The following HIVEP3 variants were observed in gnomAD, a reference collection of about 807,000 sequenced individuals.
HIVEP3 encodes the protein HIVEP zinc finger 3.
Under a neutral mutation model 152.8 loss-of-function variants are expected in HIVEP3, and 49 were observed. The observed-to-expected ratio is 0.32, with a 90% CI of 0.26 to 0.41. HIVEP3 has a LOEUF of 0.41. HIVEP3 is among the 10% of genes least tolerant of loss of function. HIVEP3 has a pLI of 1.00. For synonymous variants in HIVEP3, 1,269 were observed against 1,289.0 expected (o/e 0.98, Z 0.33); for missense variants, 2,790 against 3,103.3 (o/e 0.90, Z 2.40).
At chr1:41,518,061 G>A (rs184745731) in intron 7 of HIVEP3, among the ~76,000 whole-genome samples, 10 of 152,338 alleles carry the variant, frequency 6.6e-5, no homozygotes, top group East Asian at 1.9e-4. Context: ...CTCAATCAAC[G>A]TTGGCTGTAA....
chr1:42,016,048 C>G (rs2124532402), intron 1 of HIVEP3, among the ~76,000 whole-genome samples: 2 of 152,286 alleles, frequency 1.3e-5, no homozygotes, highest in Admixed American at 1.3e-4. Context: ...GGGGCTGAAA[C>G]AGCATGAATG....
At chr1:41,695,948 A>G (rs1646267363) in intron 2 of HIVEP3, among the ~76,000 whole-genome samples, 1 of 152,184 alleles carries the variant, frequency 6.6e-6, no homozygotes, top group Admixed American at 6.5e-5. Flanking sequence ...AGAGACCCAC[A>G]TCCACGGTCA....
chr1:41,681,089 GGTGTGTGTGTGT>G (rs35572259), intron 2 of HIVEP3, among the ~76,000 whole-genome samples: 10 of 148,242 alleles, frequency 6.7e-5, no homozygotes, highest in South Asian at 2.2e-4. Context: ...GCTAAGAACT[GGTGTGTGTGTGT>G]GTGTGTGTGT....
At chr1:41,839,604 C>T (rs755774276) in intron 1 of HIVEP3, among the ~76,000 whole-genome samples, 2 of 152,174 alleles carry the variant, frequency 1.3e-5, no homozygotes, top group East Asian at 1.9e-4. Context: ...GGGCCCAGGG[C>T]GTGAGTACTC....
intron 2 of HIVEP3, among the ~76,000 whole-genome samples, chr1:41,654,671 G>C (rs1645603803): frequency 6.6e-6 from 1 of 152,178 alleles, no homozygotes; most frequent in Admixed American, 6.5e-5. Flanking sequence ...TTCTGTTCCA[G>C]AATCCATTCC....
chr1:41,951,617 GAA>G (rs1242669438), intron 1 of HIVEP3, among the ~76,000 whole-genome samples: 3 of 152,314 alleles, frequency 2.0e-5, no homozygotes, highest in South Asian at 4.1e-4. Context: ...AATTTATCAA[GAA>G]AAGAGTTTCA....
intron 1 of HIVEP3, among the ~76,000 whole-genome samples, chr1:41,880,923 C>G (rs542971228): frequency 6.6e-6 from 1 of 152,190 alleles, no homozygotes; most frequent in Admixed American, 6.5e-5. Flanking sequence ...TCTTGATAAC[C>G]AAACTAAGGC....
chr1:41,566,815 C>T (rs1034484298), intron 5 of HIVEP3, among the ~76,000 whole-genome samples: 3 of 152,150 alleles, frequency 2.0e-5, no homozygotes, highest in African/African-American at 4.8e-5. Context: ...GCGATTCCTC[C>T]TCAATCTCTT....
chr1:41,535,178 A>C (rs1029883561), intron 5 of HIVEP3, among the ~76,000 whole-genome samples: 3 of 152,142 alleles, frequency 2.0e-5, no homozygotes, highest in African/African-American at 7.2e-5. Context: ...CTTTTAGATG[A>C]TGCCGACCAA....
chr1:41,950,932 T>G (rs1001415058), intron 1 of HIVEP3, among the ~76,000 whole-genome samples: 1 of 152,330 alleles, frequency 6.6e-6, no homozygotes, highest in East Asian at 1.9e-4. Flanking sequence ...TGTTTAAACA[T>G]GTAATATATC....
At chr1:41,521,432 C>T (rs71652191) in intron 6 of HIVEP3, among the ~76,000 whole-genome samples, 2,332 of 152,336 alleles carry the variant, frequency 0.015, 30 homozygotes, top group South Asian at 0.041. Context: ...GAGTCAGGAT[C>T]GGAGGTGACT....
chr1:41,902,139 G>GT (rs1381618525), intron 1 of HIVEP3, among the ~76,000 whole-genome samples: 1 of 152,148 alleles, frequency 6.6e-6, no homozygotes, highest in Non-Finnish European at 1.5e-5. Context: ...GGGACCCCCA[G>GT]TTTAAGTGGA....
Position 41,513,373 on chromosome 1 carries a change from C to A in HIVEP3, c.5848G>T (p.Val1950Leu). ...AAGGCTGAGCCTGTGTCTTTCTCCACAGAGCCCAGAGGGGCCGGTCCCAGC... is the reference window on the plus strand; with the variant it reads ...AAGGCTGAGCCTGTGTCTTTCTCCAAAGAGCCCAGAGGGGCCGGTCCCAGC... ...PWLGPAPLGS[V>L]EKDTGSALSY... is the part of the protein sequence containing the mutation. The change falls in exon 8 of 9, where the codon GTG becomes TTG. Residue 1950 changes from valine to leucine, a missense_variant. Val to Leu is a conservative substitution (Grantham distance 32). Coordinates refer to ENST00000372583, the MANE Select transcript of HIVEP3 (RefSeq NM_024503.5). The A allele has an allele frequency of 6.2e-7, 1 of 1,612,260 alleles. No individual in the cohort carries two copies. Among genetic ancestry groups the A allele is most frequent in the Non-Finnish European group, 8.5e-7 (1 of 1,179,538 alleles).
At chr1:41,977,064 C>G (rs1364886141) in intron 1 of HIVEP3, among the ~76,000 whole-genome samples, 2 of 152,194 alleles carry the variant, frequency 1.3e-5, no homozygotes, top group Non-Finnish European at 2.9e-5. Context: ...AAAACCGTAA[C>G]AGTGGTCACC....
chr1:41,562,191 C>A (rs1319107788), intron 5 of HIVEP3, among the ~76,000 whole-genome samples: 1 of 152,152 alleles, frequency 6.6e-6, no homozygotes, highest in African/African-American at 2.4e-5. Context: ...GTTCAAAGAG[C>A]AAAGGAACTG....
intron 1 of HIVEP3, among the ~76,000 whole-genome samples, chr1:41,875,051 G>A (rs542556842): frequency 7.9e-5 from 12 of 152,210 alleles, no homozygotes; most frequent in African/African-American, 2.2e-4. Flanking sequence ...GGGATGGAGC[G>A]GGGGAGAGAA....
At chr1:41,910,977 A>C (rs916837968) in intron 1 of HIVEP3, among the ~76,000 whole-genome samples, 1 of 152,134 alleles carries the variant, frequency 6.6e-6, no homozygotes, top group African/African-American at 2.4e-5. Flanking sequence ...TAAAAGACAC[A>C]AAATGTTCAA....
At position 41,626,472 on chromosome 1, in the gene HIVEP3, G is replaced by A. The variant is rs141364733; in HGVS notation, c.-522+2277C>T. ...TCCAAGCAGCTGGCTGAGCCCACAC[G>A]GACAAACAAAGAGTCTGGGCACGAA... On this transcript the variant is annotated intron_variant, in intron 3 of 8. Coordinates refer to ENST00000372583, the MANE Select transcript of HIVEP3 (RefSeq NM_024503.5). 3.5e-3 allele frequency among the ~76,000 whole-genome samples: 538 copies of A among 152,276 alleles called. 2 individuals are homozygous for A. The highest frequency in any genetic ancestry group is 4.1e-3 in the Non-Finnish European group (276 of 68,018).
At chr1:41,573,979 C>G (rs1252721024) in intron 5 of HIVEP3, among the ~76,000 whole-genome samples, 1 of 152,132 alleles carries the variant, frequency 6.6e-6, no homozygotes, top group Non-Finnish European at 1.5e-5. Flanking sequence ...GTAGAGACAT[C>G]CAGCAGGGAG....
Sources: gnomAD v4.1 joint callset for allele counts (sites outside exome capture counted in the v4.1 genomes callset) on GRCh38, gnomAD v4.1.1 for gene constraint, MANE v1.5 for transcripts, NCBI Gene and HGNC (gene_info 2026-07-23, HGNC 2026-07-21) for gene names.